The following AFG2A variants were observed in gnomAD, a reference collection of about 807,000 sequenced individuals.
The protein encoded by AFG2A is ATPase family gene 2 protein homolog A.
At chr4:123,073,916 C>T in the AFG2A span, among the ~76,000 whole-genome samples, 1 of 152,040 alleles carries the variant, frequency 6.6e-6, no homozygotes, top group African/African-American at 2.4e-5. Context: ...ATATTAGTCA[C>T]TGATTGCAGA....
the AFG2A span, among the ~76,000 whole-genome samples, chr4:123,274,029 A>G: frequency 1.1e-4 from 17 of 152,098 alleles, no homozygotes; most frequent in Non-Finnish European, 1.9e-4. Flanking sequence ...CTTCTACTGT[A>G]GCTTTTTCTT....
chr4:123,057,582 A>G, the AFG2A span, among the ~76,000 whole-genome samples: 21 of 152,212 alleles, frequency 1.4e-4, no homozygotes, highest in Non-Finnish European at 2.8e-4. Context: ...TATCAAAATT[A>G]GGGTTATTGT....
chr4:123,023,349 C>T, the AFG2A span, among the ~76,000 whole-genome samples: 1 of 151,848 alleles, frequency 6.6e-6, no homozygotes, highest in Admixed American at 6.6e-5. Flanking sequence ...CATATGTACT[C>T]CTTGAATCTA....
the AFG2A span, among the ~76,000 whole-genome samples, chr4:123,113,447 C>T: frequency 6.6e-6 from 1 of 152,140 alleles, no homozygotes; most frequent in African/African-American, 2.4e-5. Flanking sequence ...AAAGCTTCCT[C>T]CTGCATTTGC....
At chr4:123,097,199 G>T in the AFG2A span, among the ~76,000 whole-genome samples, 1 of 152,100 alleles carries the variant, frequency 6.6e-6, no homozygotes, top group East Asian at 1.9e-4. Context: ...ATTTAGGAAT[G>T]TCCACAAATA....
the AFG2A span, among the ~76,000 whole-genome samples, chr4:123,109,342 G>C: frequency 3.0e-4 from 46 of 152,252 alleles, no homozygotes; most frequent in African/African-American, 1.1e-3. Flanking sequence ...AGTTTTATTG[G>C]AACACAGCCA....
At chr4:123,214,361 A>G in the AFG2A span, among the ~76,000 whole-genome samples, 2 of 152,254 alleles carry the variant, frequency 1.3e-5, no homozygotes, top group South Asian at 4.1e-4. Context: ...CTTTACTGTT[A>G]GTAGAAAGTT....
chr4:123,131,911 G>T, the AFG2A span, among the ~76,000 whole-genome samples: 1 of 151,726 alleles, frequency 6.6e-6, no homozygotes. Flanking sequence ...ATTTTCCACA[G>T]CAGCTGCACC....
chr4:123,053,469 C>T, the AFG2A span, among the ~76,000 whole-genome samples: 12 of 152,314 alleles, frequency 7.9e-5, no homozygotes, highest in East Asian at 1.4e-3. Context: ...GACTGGGCTG[C>T]GTTGGGATCT....
chr4:123,286,397 C>A, the AFG2A span, among the ~76,000 whole-genome samples: 16 of 152,058 alleles, frequency 1.1e-4, no homozygotes, highest in South Asian at 3.3e-3. Context: ...AAAAGAACTA[C>A]TTTTGTATTT....
At chr4:123,220,655 A>T in the AFG2A span, among the ~76,000 whole-genome samples, 1 of 151,780 alleles carries the variant, frequency 6.6e-6, no homozygotes, top group African/African-American at 2.4e-5. Context: ...TTAAAATTAA[A>T]TTTAGCATAT....
At chr4:123,227,002 G>C in the AFG2A span, among the ~76,000 whole-genome samples, 1 of 152,164 alleles carries the variant, frequency 6.6e-6, no homozygotes, top group South Asian at 2.1e-4. Flanking sequence ...TTGCATAGAG[G>C]TGTTTATAAT....
chr4:123,227,477 T>A, the AFG2A span, among the ~76,000 whole-genome samples: 1 of 152,208 alleles, frequency 6.6e-6, no homozygotes, highest in African/African-American at 2.4e-5. Context: ...TACCCAGTAG[T>A]CATTCAGGAG....
the AFG2A span, among the ~76,000 whole-genome samples, chr4:123,139,985 A>T: frequency 6.6e-6 from 1 of 152,066 alleles, no homozygotes; most frequent in Non-Finnish European, 1.5e-5. Context: ...CCTCAGGAGT[A>T]GGCAAATATC....
At chr4:123,177,353 C>G in the AFG2A span, among the ~76,000 whole-genome samples, 2 of 150,526 alleles carry the variant, frequency 1.3e-5, no homozygotes, top group African/African-American at 4.8e-5. Context: ...CCACCATGCA[C>G]AGCTAATTTT....
chr4:122,938,010 T>G, the AFG2A span: 57 of 1,025,514 alleles, frequency 5.6e-5, no homozygotes, highest in Non-Finnish European at 7.5e-5. Context: ...AATATCTTTA[T>G]AATATTAAGT....
chr4:123,231,366 A>G, the AFG2A span, among the ~76,000 whole-genome samples: 4 of 152,070 alleles, frequency 2.6e-5, no homozygotes, highest in South Asian at 2.1e-4. Context: ...AACTTCATCA[A>G]CCAACCTCTG....
At chr4:123,218,723 TCAA>T in the AFG2A span, among the ~76,000 whole-genome samples, 1 of 152,150 alleles carries the variant, frequency 6.6e-6, no homozygotes. Context: ...TCTGCTGCTT[TCAA>T]CTTAAGCTTG....
the AFG2A span, among the ~76,000 whole-genome samples, chr4:123,292,320 C>T: frequency 6.6e-6 from 1 of 152,084 alleles, no homozygotes. Flanking sequence ...TCTTGGATCT[C>T]ATCGAGCAAC....
Sources: gnomAD v4.1 joint callset for allele counts (sites outside exome capture counted in the v4.1 genomes callset) on GRCh38, gnomAD v4.1.1 for gene constraint, MANE v1.5 for transcripts, NCBI Gene and HGNC (gene_info 2026-07-23, HGNC 2026-07-21) for gene names.